The following PIAS2 variants were observed in gnomAD, a reference collection of about 807,000 sequenced individuals.
PIAS2 encodes E3 SUMO-protein ligase PIAS2.
Under a neutral mutation model 69.7 loss-of-function variants are expected in PIAS2, and 19 were observed. That is an observed-to-expected ratio of 0.27 (90% CI 0.19 to 0.40). PIAS2 has a LOEUF of 0.40. Among genes scored for constraint, PIAS2 ranks in the 10% least tolerant of loss-of-function variants. The probability of loss-of-function intolerance (pLI) is 1.00; values close to 1 mark genes in which losing one functional copy is unlikely to be tolerated. For synonymous variants in PIAS2, 261 were observed against 263.2 expected, an observed-to-expected ratio of 0.99 and a Z score of 0.08; for missense variants, 624 against 757.0, an observed-to-expected ratio of 0.82 and a Z score of 2.06.
intron 2 of PIAS2, among the ~76,000 whole-genome samples, chr18:46,886,296 C>T (rs888173378): frequency 6.6e-5 from 10 of 152,090 alleles, no homozygotes; most frequent in African/African-American, 2.2e-4. Context: ...AATAAATTTG[C>T]TAGTCCTTCA....
In PIAS2 at chr18:46,818,893, T is replaced by C. The variant is rs978035532; in HGVS notation, c.1648+2040A>G. 1.1e-4 allele frequency among the ~76,000 whole-genome samples: 17 copies of C among 152,224 alleles called. 1 individual carries two copies. In the South Asian group the frequency reaches 2.3e-3, roughly 20 times the overall value. ...TTGCTCAATATCAGCTTGAAACACA[T>C]TTTTACCAAATAGCCAGTTCAGACA... On this transcript the variant is annotated intron_variant, in intron 12 of 13. Transcript: ENST00000585916.
Position 46,917,363 on chromosome 18 carries a change from CGCCGCCGCCGCT to C in PIAS2, c.-30_-19del, listed in dbSNP as rs2058094958. 6.9e-7 allele frequency: 1 copy of C among 1,456,632 alleles called. No homozygotes were observed. Among genetic ancestry groups the C allele is most frequent in the Non-Finnish European group, 9.1e-7 (1 of 1,098,522 alleles). 90.2% of individuals were successfully genotyped at this position (1,456,632 alleles called of 1,614,324 possible). ...TCCGCCATTTTATACCACCCGCGGGCGCCGCCGCCGCTGCCGCCGCACCCACTCCCGCTGCCG... is the reference window on the plus strand; with the variant it reads ...TCCGCCATTTTATACCACCCGCGGGCGCCGCCGCACCCACTCCCGCTGCCG... On this transcript the variant is annotated 5_prime_UTR_variant, in exon 1 of 14. Coordinates refer to ENST00000585916, the MANE Select transcript of PIAS2 (RefSeq NM_004671.5).
chr18:46,859,976 G>A (rs1230724369), intron 3 of PIAS2, among the ~76,000 whole-genome samples: 3 of 152,124 alleles, frequency 2.0e-5, no homozygotes, highest in African/African-American at 7.2e-5. Flanking sequence ...AAGGAGCAGC[G>A]CTAAAGCCAA....
chr18:46,891,653 G>C (rs2054099473), intron 1 of PIAS2: 1 of 958,064 alleles, frequency 1.0e-6, no homozygotes, highest in Non-Finnish European at 1.2e-6. Flanking sequence ...ATCTTATTTA[G>C]CAGTCAAACT....
intron 1 of PIAS2, among the ~76,000 whole-genome samples, chr18:46,892,084 C>G (rs1845547194): frequency 6.6e-6 from 1 of 152,046 alleles, no homozygotes; most frequent in Admixed American, 6.6e-5. Flanking sequence ...TCCCCCAACC[C>G]AGCCCGTGCT....
intron 5 of PIAS2, among the ~76,000 whole-genome samples, chr18:46,847,624 G>A (rs1284715277): frequency 1.3e-5 from 2 of 151,998 alleles, no homozygotes; most frequent in African/African-American, 4.8e-5. Flanking sequence ...TGGGACTACA[G>A]GCGCCTGCCA....
chr18:46,836,198 T>G, intron 9 of PIAS2, 159 bp downstream of exon 9: 1 of 544,680 alleles, frequency 1.8e-6, no homozygotes, highest in Non-Finnish European at 3.3e-6. Context: ...AAAAATAAGA[T>G]TGAGTATAAT....
Position 46,808,120 on chromosome 18 carries a change from C to T in PIAS2, c.*4313G>A, listed in dbSNP as rs928357033. On this transcript the variant is annotated 3_prime_UTR_variant, in exon 14 of 14. Transcript: ENST00000585916. ...GTACCATAAAATTAATAATAGTTGA[C>T]ACAGTTTTAATGACATGGAATAATG... 6.6e-5 allele frequency: 10 copies of T among 152,104 alleles called. No individual in the cohort carries two copies. Among genetic ancestry groups the T allele is most frequent in the African/African-American group, 2.4e-4 (10 of 41,408 alleles). 9.4% of individuals were successfully genotyped at this position (152,104 alleles called of 1,614,324 possible).
chr18:46,821,715 G>A (rs1002975882), intron 11 of PIAS2, among the ~76,000 whole-genome samples: 1 of 152,112 alleles, frequency 6.6e-6, no homozygotes. Context: ...TACCAGGTAG[G>A]TGAAATCCTA....
intron 7 of PIAS2, among the ~76,000 whole-genome samples, chr18:46,844,355 T>C (rs958768744): frequency 1.7e-4 from 26 of 152,206 alleles, no homozygotes; most frequent in Middle Eastern, 3.4e-3. Context: ...ACTTTCAAAA[T>C]AGAAAGCTAT....
intron 9 of PIAS2, among the ~76,000 whole-genome samples, chr18:46,833,409 T>C (rs1568419832): frequency 6.6e-6 from 1 of 152,122 alleles, no homozygotes; most frequent in Non-Finnish European, 1.5e-5. Flanking sequence ...AAAACATACA[T>C]GAGAAAACTT....
At chr18:46,888,322 A>C (rs1177448151) in intron 2 of PIAS2, among the ~76,000 whole-genome samples, 2 of 152,026 alleles carry the variant, frequency 1.3e-5, no homozygotes, top group Non-Finnish European at 2.9e-5. Flanking sequence ...ATACTACCCA[A>C]ACAAATTTAC....
intron 2 of PIAS2, among the ~76,000 whole-genome samples, chr18:46,885,506 G>A (rs149172008): frequency 3.7e-4 from 56 of 149,364 alleles, no homozygotes; most frequent in African/African-American, 1.3e-3. Flanking sequence ...TGGTGACAGT[G>A]CAAGACTCCA....
chr18:46,829,955 A>C, intron 9 of PIAS2, 88 bp from the exon 10 acceptor site: 1 of 1,177,228 alleles, frequency 8.5e-7, no homozygotes, highest in Non-Finnish European at 1.2e-6. Flanking sequence ...CCTTGAAAAC[A>C]TAAGTAATGT....
chr18:46,848,137 C>G (rs2046422279), intron 5 of PIAS2, among the ~76,000 whole-genome samples: 1 of 152,168 alleles, frequency 6.6e-6, no homozygotes, highest in East Asian at 1.9e-4. Context: ...ATGACACTCT[C>G]CTATGTGCAA....
At chr18:46,873,010 G>A (rs2050606819) in intron 2 of PIAS2, among the ~76,000 whole-genome samples, 2 of 152,114 alleles carry the variant, frequency 1.3e-5, no homozygotes, top group Non-Finnish European at 2.9e-5. Flanking sequence ...AAGAACATGG[G>A]GGCCACTGAC....
chr18:46,816,518 C>T, intron 12 of PIAS2: 3 of 877,440 alleles, frequency 3.4e-6, no homozygotes, highest in Non-Finnish European at 4.1e-6. Context: ...TGCTCTGTTG[C>T]CCAGGCTGGA....
At chr18:46,876,381 G>A (rs1266508214) in intron 2 of PIAS2, among the ~76,000 whole-genome samples, 1 of 152,268 alleles carries the variant, frequency 6.6e-6, no homozygotes, top group East Asian at 1.9e-4. Flanking sequence ...GTGGTTAACT[G>A]TAAATAAAAA....
intron 2 of PIAS2, among the ~76,000 whole-genome samples, chr18:46,877,310 C>T (rs1013089606): frequency 2.0e-5 from 3 of 152,208 alleles, no homozygotes; most frequent in African/African-American, 4.8e-5. Flanking sequence ...TCAGATATGG[C>T]TAAGTTCCTC....
Sources: allele counts gnomAD v4.1 joint callset (sites outside exome capture counted in the v4.1 genomes callset), GRCh38; gene constraint gnomAD v4.1.1; transcripts MANE v1.5; gene names NCBI Gene and HGNC (gene_info 2026-07-23, HGNC 2026-07-21).